Variants in CCDC13 observed in about 807,000 individuals in gnomAD.
The protein encoded by CCDC13 is coiled-coil domain containing 13, also known as coiled-coil domain-containing protein 13.
CCDC13 carries 70 observed loss-of-function variants against 87.3 expected under a neutral mutation model. The ratio of observed to expected loss-of-function variants is 0.80; its 90% CI spans 0.66 to 0.98. The LOEUF (loss-of-function observed/expected upper bound fraction) is 0.98. Among genes scored for constraint, CCDC13 ranks in the 50% least tolerant of loss-of-function variants. The pLI is 0.00. For synonymous variants in CCDC13, 317 were observed against 360.3 expected (o/e 0.88, Z 1.36); for missense variants, 842 against 892.0 (o/e 0.94, Z 0.71).
intron 13 of CCDC13, among the ~76,000 whole-genome samples, chr3:42,727,273 G>A (rs1698712808): frequency 2.0e-5 from 3 of 152,152 alleles, no homozygotes. Context: ...TCGGGAGGCT[G>A]AGGCACTAGA....
chr3:42,731,260 G>T lies in CCDC13; in HGVS notation c.1596-671C>A, dbSNP rs76386966. 5.6e-3 allele frequency among the ~76,000 whole-genome samples: 848 copies of T among 151,912 alleles called. 5 individuals are homozygous for T. The highest frequency in any genetic ancestry group is 9.2e-3 in the Non-Finnish European group (626 of 67,982). On this transcript the variant is annotated intron_variant, in intron 12 of 15. Coordinates refer to ENST00000310232, the MANE Select transcript of CCDC13 (RefSeq NM_144719.4). ...GAGCTTACTTTTCTAGCAGTACAGG[G>T]CATAGGGAAGGCTGCAGAGCTGGGC... is the stretch of plus-strand genomic sequence containing the variant.
chr3:42,711,401 G>A (rs1698311443), intron 14 of CCDC13, among the ~76,000 whole-genome samples: 1 of 152,226 alleles, frequency 6.6e-6, no homozygotes, highest in African/African-American at 2.4e-5. Flanking sequence ...TTCGCCCTCT[G>A]CTGAGAGGCC....
chr3:42,757,268 A>C (rs2125908989), intron 2 of CCDC13, 54 bp from the exon 3 acceptor site: 1 of 1,580,436 alleles, frequency 6.3e-7, no homozygotes, highest in Non-Finnish European at 8.6e-7. Flanking sequence ...CCTGGTGGGC[A>C]GGGGTCAGGC....
At chr3:42,760,767 T>C (rs1433267656) in intron 1 of CCDC13, among the ~76,000 whole-genome samples, 2 of 151,358 alleles carry the variant, frequency 1.3e-5, no homozygotes, top group Non-Finnish European at 3.0e-5. Flanking sequence ...AATAAATAAA[T>C]AAATAAAATA....
intron 14 of CCDC13, among the ~76,000 whole-genome samples, chr3:42,711,246 C>CAAAAAAAAAAAAAAAAAAAAAAAA (rs1174084143): frequency 1.1e-4 from 8 of 75,328 alleles, no homozygotes; most frequent in African/African-American, 3.9e-4. Flanking sequence ...ACTCTGTCTC[C>CAAAAAAAAAAAAAAAAAAAAAAAA]AAAAAAAAAA....
At chr3:42,769,325 C>T (rs1700003711) in intron 1 of CCDC13, among the ~76,000 whole-genome samples, 1 of 152,172 alleles carries the variant, frequency 6.6e-6, no homozygotes, top group Non-Finnish European at 1.5e-5. Context: ...AAAACATTGA[C>T]AACATCAAAT....
rs200481075 is a variant in CCDC13, at chr3:42,733,568, G to A, written c.1413C>T (p.Arg471=). The A allele has an allele frequency of 7.4e-5, 119 of 1,613,312 alleles. No homozygotes were observed. Among genetic ancestry groups the A allele is most frequent in the Non-Finnish European group, 9.7e-5 (115 of 1,179,612 alleles). ...ACTGGGTATAGGCAGGGCTGACCTCGCGGCCACTGGACCCCTCACCCACTC... is the reference window on the plus strand; with the variant it reads ...ACTGGGTATAGGCAGGGCTGACCTCACGGCCACTGGACCCCTCACCCACTC... ...NKGVGEGSSG[R]EVSPAYTQFL... is the part of the protein sequence containing the mutation. Residue 471 remains arginine, a synonymous_variant, in exon 11 of 16, where the codon CGC becomes CGT. Coordinates refer to ENST00000310232, the MANE Select transcript of CCDC13 (RefSeq NM_144719.4).
chr3:42,709,403 C>A (rs1052861719), intron 15 of CCDC13, among the ~76,000 whole-genome samples: 4 of 152,234 alleles, frequency 2.6e-5, no homozygotes, highest in African/African-American at 9.6e-5. Context: ...CTTCCCATGG[C>A]TGCGTGGGGT....
chr3:42,733,007 G>A (rs1389789316), intron 11 of CCDC13, 37 bp from the exon 12 acceptor site: 2 of 1,527,520 alleles, frequency 1.3e-6, no homozygotes, highest in Non-Finnish European at 8.9e-7. Context: ...AGCCTGGGAA[G>A]GCAGACCAGG....
intron 13 of CCDC13, among the ~76,000 whole-genome samples, chr3:42,722,322 G>A (rs1698582814): frequency 6.6e-6 from 1 of 152,078 alleles, no homozygotes; most frequent in Non-Finnish European, 1.5e-5. Context: ...AGGATTAATG[G>A]TTCTCCTATA....
rs1026128166 is a variant in CCDC13 at position 42,760,787 on chromosome 3, T to A, written c.-6-2436A>T. Among the ~76,000 whole-genome samples the A allele has an allele frequency of 3.1e-4, 47 of 151,842 alleles. 1 individual carries two copies. The highest frequency in any genetic ancestry group is 8.0e-4 in the African/African-American group (33 of 41,478). On this transcript the variant is annotated intron_variant, in intron 1 of 15. Transcript: ENST00000310232. ...ATAAATAAATAAAATATAAATAAAT[T>A]AATTAATTAAAATAAAATAAAAATA...
intron 1 of CCDC13, among the ~76,000 whole-genome samples, chr3:42,768,371 T>C (rs1337389619): frequency 6.6e-6 from 1 of 152,228 alleles, no homozygotes; most frequent in African/African-American, 2.4e-5. Flanking sequence ...ATTAAAATTA[T>C]AAACTTCTAC....
chr3:42,733,350 CA>C, intron 11 of CCDC13, 119 bp downstream of exon 11: 1 of 1,272,104 alleles, frequency 7.9e-7, no homozygotes, highest in Non-Finnish European at 1.1e-6. Flanking sequence ...ATTGGAAGAA[CA>C]ACAGCATAGT....
At position 42,739,617 on chromosome 3, in the gene CCDC13, G is replaced by A. The variant is rs1233147105; in HGVS notation, c.1164+17C>T. 5.0e-6 allele frequency: 8 copies of A among 1,609,786 alleles called. No homozygotes were observed. The highest frequency in any genetic ancestry group is 6.8e-6 in the Non-Finnish European group (8 of 1,177,744). ...ACCACCCCTGGCTCTCGCCCTGCCTGAGTGGTGGGGCCATACCATGAGGGC... is the reference window on the plus strand; with the variant it reads ...ACCACCCCTGGCTCTCGCCCTGCCTAAGTGGTGGGGCCATACCATGAGGGC... On this transcript the variant is annotated intron_variant, in intron 9 of 15. Transcript: ENST00000310232.
intron 1 of CCDC13, among the ~76,000 whole-genome samples, chr3:42,758,846 T>C (rs1280759077): frequency 3.3e-5 from 5 of 152,160 alleles, no homozygotes; most frequent in Non-Finnish European, 5.9e-5. Flanking sequence ...CATAGACATA[T>C]ACCTCTGTGG....
chr3:42,711,833 G>A (rs1368415201), intron 14 of CCDC13, among the ~76,000 whole-genome samples: 1 of 152,180 alleles, frequency 6.6e-6, no homozygotes, highest in Non-Finnish European at 1.5e-5. Context: ...AGGCCACCTG[G>A]ACACTTTCCC....
At chr3:42,768,803 A>C (rs986043365) in intron 1 of CCDC13, among the ~76,000 whole-genome samples, 1 of 152,050 alleles carries the variant, frequency 6.6e-6, no homozygotes, top group African/African-American at 2.4e-5. Flanking sequence ...AACATATACA[A>C]AGAATTCTGA....
chr3:42,716,940 T>C (rs1252688727), intron 13 of CCDC13, among the ~76,000 whole-genome samples: 2 of 152,198 alleles, frequency 1.3e-5, no homozygotes, highest in Non-Finnish European at 2.9e-5. Flanking sequence ...AACAGATGAA[T>C]AGATTGACAA....
chr3:42,766,316 GA>G (rs1306894785), intron 1 of CCDC13, among the ~76,000 whole-genome samples: 1 of 152,024 alleles, frequency 6.6e-6, no homozygotes, highest in Non-Finnish European at 1.5e-5. Context: ...CCTAGAGTAT[GA>G]ACAAAGCAGC....
Sources: allele counts gnomAD v4.1 joint callset (sites outside exome capture counted in the v4.1 genomes callset), GRCh38; gene constraint gnomAD v4.1.1; transcripts MANE v1.5; gene names NCBI Gene and HGNC (gene_info 2026-07-23, HGNC 2026-07-21).